Variants in PTPRK observed in about 807,000 individuals in gnomAD.
PTPRK encodes protein tyrosine phosphatase receptor type K.
Under a neutral mutation model 178.0 loss-of-function variants are expected in PTPRK, and 75 were observed. The observed-to-expected ratio is 0.42, with a 90% CI of 0.35 to 0.51. PTPRK has a LOEUF of 0.51. Among genes scored for constraint, PTPRK ranks in the 20% least tolerant of loss-of-function variants. PTPRK has a pLI of 0.02. For missense variants in PTPRK, 1,441 were observed against 1,797.8 expected, an observed-to-expected ratio of 0.80 and a Z score of 3.59; for synonymous variants, 637 against 620.6, an observed-to-expected ratio of 1.03 and a Z score of -0.39.
At chr6:128,228,659 C>CAAA (rs67092827) in intron 5 of PTPRK, among the ~76,000 whole-genome samples, 2 of 111,672 alleles carry the variant, frequency 1.8e-5, no homozygotes, top group African/African-American at 3.4e-5. Context: ...GACTCCATCT[C>CAAA]AAAAAAAAAA....
At position 128,317,524 on chromosome 6, in the gene PTPRK, C is replaced by T. The variant is rs182201866; in HGVS notation, c.495+4515G>A. 1.2e-3 allele frequency among the ~76,000 whole-genome samples: 178 copies of T among 152,058 alleles called. 6 individuals carry two copies. The highest frequency in any genetic ancestry group is 0.011 in the Admixed American group (166 of 15,268). Reference sequence around the variant, plus strand: ...GTGTCTCATATGTGCCATCCACAAACAGTATGTGCTGACAGGTAGTATTGC... The same window carrying T: ...GTGTCTCATATGTGCCATCCACAAATAGTATGTGCTGACAGGTAGTATTGC... On this transcript the variant is annotated intron_variant, in intron 3 of 29. Coordinates refer to ENST00000368226, the MANE Select transcript of PTPRK (RefSeq NM_002844.4).
rs557957390 is a variant in PTPRK at position 128,095,572 on chromosome 6, C to G, written c.1163-5580G>C. 3.9e-5 allele frequency among the ~76,000 whole-genome samples: 6 copies of G among 152,244 alleles called. No homozygotes were observed. In the East Asian group the frequency reaches 5.8e-4, roughly 15 times the overall value. On this transcript the variant is annotated intron_variant, in intron 7 of 29. Transcript: ENST00000368226. ...GAACCCATGACATGACTGTTTATTT[C>G]CCTTGGACACCCCATCAATCAGGGA...
chr6:128,323,951 C>A (rs2128322109), intron 2 of PTPRK, among the ~76,000 whole-genome samples: 1 of 152,070 alleles, frequency 6.6e-6, no homozygotes, highest in African/African-American at 2.4e-5. Context: ...ATCCTGGATC[C>A]CAACCCAATT....
Position 128,067,690 on chromosome 6 carries a change from C to T in PTPRK, c.1986G>A (p.Met662Ile), listed in dbSNP as rs1176983763. 1 of 1,613,856 alleles carries T rather than the reference C, an allele frequency of 6.2e-7. No homozygotes were observed. The change falls in exon 12 of 30, where the codon ATG becomes ATA. Residue 662 changes from methionine (M) to isoleucine (I), a missense_variant. Met to Ile is a conservative substitution (Grantham distance 10). Transcript: ENST00000368226. Reference protein sequence around the residue: ...YQVPVTYQNAMSGGAPYYFAA... With the variant: ...YQVPVTYQNAISGGAPYYFAA... ...CAAAGTAATACGGTGCACCCCCACTCATGGCATTTTGGTATGTGACAGGAA... is the reference window on the plus strand; with the variant it reads ...CAAAGTAATACGGTGCACCCCCACTTATGGCATTTTGGTATGTGACAGGAA...
At chr6:128,103,919 T>C (rs1360182171) in intron 7 of PTPRK, among the ~76,000 whole-genome samples, 1 of 152,132 alleles carries the variant, frequency 6.6e-6, no homozygotes, top group African/African-American at 2.4e-5. Context: ...CTGCAGATGG[T>C]GTCTCCCCAC....
intron 2 of PTPRK, among the ~76,000 whole-genome samples, chr6:128,360,838 C>T (rs779378306): frequency 3.9e-5 from 6 of 152,120 alleles, no homozygotes; most frequent in Non-Finnish European, 8.8e-5. Flanking sequence ...CATTGCACCG[C>T]TAGCATTAAA....
chr6:128,310,446 C>A (rs756029555), intron 3 of PTPRK, among the ~76,000 whole-genome samples: 5 of 151,916 alleles, frequency 3.3e-5, no homozygotes, highest in Non-Finnish European at 4.4e-5. Flanking sequence ...TCCAAAAAAA[C>A]AAACAAACAA....
intron 7 of PTPRK, among the ~76,000 whole-genome samples, chr6:128,125,345 C>T (rs1327341455): frequency 6.6e-6 from 1 of 151,966 alleles, no homozygotes; most frequent in African/African-American, 2.4e-5. Flanking sequence ...CTCATGAGAT[C>T]TGGTTGTTTA....
intron 13 of PTPRK, among the ~76,000 whole-genome samples, chr6:128,020,484 G>A (rs1035887319): frequency 2.0e-5 from 3 of 152,084 alleles, no homozygotes; most frequent in African/African-American, 7.2e-5. Flanking sequence ...GACCAGAAAA[G>A]TCTCTTCTTC....
At chr6:128,333,227 C>T (rs1830495865) in intron 2 of PTPRK, among the ~76,000 whole-genome samples, 1 of 152,110 alleles carries the variant, frequency 6.6e-6, no homozygotes, top group African/African-American at 2.4e-5. Flanking sequence ...AAAAATCATG[C>T]TAACAATTCC....
At chr6:128,138,851 T>C (rs1477021536) in intron 7 of PTPRK, among the ~76,000 whole-genome samples, 3 of 152,070 alleles carry the variant, frequency 2.0e-5, no homozygotes, top group Non-Finnish European at 4.4e-5. Context: ...ACATGTTCTA[T>C]AATCACTTGA....
chr6:128,366,461 T>A (rs1293168863), intron 2 of PTPRK, among the ~76,000 whole-genome samples: 1 of 152,116 alleles, frequency 6.6e-6, no homozygotes, highest in Non-Finnish European at 1.5e-5. Flanking sequence ...CTTCTTATAC[T>A]AACAAAAACA....
intron 2 of PTPRK, among the ~76,000 whole-genome samples, chr6:128,324,290 T>C (rs937053719): frequency 6.6e-6 from 1 of 152,164 alleles, no homozygotes; most frequent in African/African-American, 2.4e-5. Context: ...AATCTCTAAA[T>C]GATTTATTGG....
At chr6:128,155,529 T>G (rs1797838646) in intron 7 of PTPRK, among the ~76,000 whole-genome samples, 1 of 151,588 alleles carries the variant, frequency 6.6e-6, no homozygotes, top group Admixed American at 6.6e-5. Context: ...CATCCAAAGA[T>G]TATCAGCGAT....
intron 5 of PTPRK, among the ~76,000 whole-genome samples, chr6:128,220,814 A>C (rs1345799721): frequency 2.6e-5 from 4 of 152,242 alleles, no homozygotes; most frequent in Non-Finnish European, 5.9e-5. Flanking sequence ...TGGGACAGTT[A>C]AACTAGGCAA....
rs145934792 is a variant in PTPRK at position 128,336,945 on chromosome 6, C to T, written c.224-14635G>A. Among the ~76,000 whole-genome samples the T allele has an allele frequency of 6.6e-5, 10 of 152,202 alleles. No homozygotes were observed. In the East Asian group the frequency reaches 1.7e-3, roughly 27 times the overall value. On this transcript the variant is annotated intron_variant, in intron 2 of 29. Transcript: ENST00000368226. ...ATTCCATCTGGTGCTCAAAAATCCTCGCAAACTTGGTCCATAAAAACCTTG... is the reference window on the plus strand; with the variant it reads ...ATTCCATCTGGTGCTCAAAAATCCTTGCAAACTTGGTCCATAAAAACCTTG...
At chr6:128,293,767 C>T (rs1480133048) in intron 3 of PTPRK, among the ~76,000 whole-genome samples, 1 of 152,030 alleles carries the variant, frequency 6.6e-6, no homozygotes, top group African/African-American at 2.4e-5. Context: ...AATTAAATAA[C>T]AATAACAATA....
Position 128,009,260 on chromosome 6 carries a change from T to C in PTPRK, c.2203A>G (p.Thr735Ala), listed in dbSNP as rs746748895. Residue 735 changes from threonine (T) to alanine (A), a missense_variant, in exon 14 of 30, where the codon ACA becomes GCA. By Grantham distance (58) the Thr-to-Ala change is moderately conservative. Transcript: ENST00000368226. ...CVRIATKAAA[T>A]EEPEVIPDPA... ...TCTGGGATCACTTCTGGTTCTTCTG[T>C]TGCTGCTGCTAAATGGATAAAAAAA... The C allele has an allele frequency of 2.4e-5, 38 of 1,605,846 alleles. No individual in the cohort carries two copies. In the East Asian group the frequency reaches 6.7e-4, roughly 28 times the overall value.
chr6:128,489,488 TG>T (rs1324875187), intron 1 of PTPRK, among the ~76,000 whole-genome samples: 25 of 152,328 alleles, frequency 1.6e-4, no homozygotes, highest in African/African-American at 6.0e-4. Flanking sequence ...GCCTGAATCA[TG>T]ATAACTAAAG....
Sources: gnomAD v4.1 joint callset for allele counts (sites outside exome capture counted in the v4.1 genomes callset) on GRCh38, gnomAD v4.1.1 for gene constraint, MANE v1.5 for transcripts, NCBI Gene and HGNC (gene_info 2026-07-23, HGNC 2026-07-21) for gene names.